Variants in GALNT13 observed in about 807,000 individuals in gnomAD.
The protein encoded by GALNT13 is polypeptide N-acetylgalactosaminyltransferase 13.
Under a neutral mutation model 64.2 loss-of-function variants are expected in GALNT13, and 28 were observed. The ratio of observed to expected loss-of-function variants is 0.44; its 90% CI spans 0.32 to 0.60. GALNT13 has a LOEUF of 0.60. Among genes scored for constraint, GALNT13 ranks in the 20% least tolerant of loss-of-function variants. GALNT13 has a pLI of 0.05. For synonymous variants in GALNT13, 214 were observed against 224.6 expected (o/e 0.95, Z 0.42); for missense variants, 577 against 669.8 (o/e 0.86, Z 1.53).
At chr2:153,524,841 C>T in the GALNT13 span, among the ~76,000 whole-genome samples, 89 of 152,250 alleles carry the variant, frequency 5.8e-4, 1 homozygote, top group East Asian at 0.013. Context: ...AACACCTAGG[C>T]GAGTTCTTGT....
intron 3 of GALNT13, among the ~76,000 whole-genome samples, chr2:154,066,939 G>A (rs1051271596): frequency 1.3e-5 from 2 of 151,978 alleles, no homozygotes; most frequent in Non-Finnish European, 2.9e-5. Context: ...CCAAGACATA[G>A]CCAGTATAAT....
At chr2:154,083,268 T>C (rs1041153696) in intron 3 of GALNT13, among the ~76,000 whole-genome samples, 2 of 152,062 alleles carry the variant, frequency 1.3e-5, no homozygotes, top group Non-Finnish European at 2.9e-5. Flanking sequence ...TCCACTCGTC[T>C]ATATATCTGT....
intron 4 of GALNT13, among the ~76,000 whole-genome samples, chr2:154,143,621 G>A (rs1177853997): frequency 6.6e-6 from 1 of 151,516 alleles, no homozygotes; most frequent in East Asian, 1.9e-4. Context: ...CTTTGGGTGG[G>A]AGGCTGAGGC....
the GALNT13 span, among the ~76,000 whole-genome samples, chr2:153,408,900 C>G: frequency 6.6e-6 from 1 of 152,128 alleles, no homozygotes; most frequent in Non-Finnish European, 1.5e-5. Flanking sequence ...CAACCTTAAT[C>G]TGGGTGGACA....
the GALNT13 span, among the ~76,000 whole-genome samples, chr2:153,389,261 T>C: frequency 1.3e-5 from 2 of 152,128 alleles, no homozygotes; most frequent in African/African-American, 2.4e-5. Flanking sequence ...ATTTGAATTA[T>C]ATATTGGGAG....
At chr2:154,314,096 T>C (rs1282794688) in intron 9 of GALNT13, among the ~76,000 whole-genome samples, 2 of 152,182 alleles carry the variant, frequency 1.3e-5, no homozygotes, top group Non-Finnish European at 2.9e-5. Flanking sequence ...TTGTTTGATG[T>C]AGGAGTACTA....
At chr2:153,345,674 T>TCTTTCTTTCTTTCTTC in the GALNT13 span, among the ~76,000 whole-genome samples, 1 of 144,052 alleles carries the variant, frequency 6.9e-6, no homozygotes, top group African/African-American at 2.6e-5. Flanking sequence ...TTTCTTTCTT[T>TCTTTCTTTCTTTCTTC]CTTTCTTTCT....
chr2:153,461,944 T>C, the GALNT13 span, among the ~76,000 whole-genome samples: 1 of 152,102 alleles, frequency 6.6e-6, no homozygotes, highest in Admixed American at 6.6e-5. Context: ...TTTCTATAAG[T>C]TATGGAAAAA....
chr2:154,108,937 G>T (rs1334495975), intron 3 of GALNT13, among the ~76,000 whole-genome samples: 3 of 151,970 alleles, frequency 2.0e-5, no homozygotes, highest in Non-Finnish European at 4.4e-5. Flanking sequence ...AATTATCATA[G>T]CTCTGTGGTA....
At chr2:154,281,988 G>T (rs933757) in intron 8 of GALNT13, among the ~76,000 whole-genome samples, 28,980 of 152,028 alleles carry the variant, frequency 0.19, 3,630 homozygotes, top group Admixed American at 0.32. Flanking sequence ...TGAATTTGGG[G>T]CTTTCAGGAA....
At chr2:154,225,149 A>T (rs1167797713) in intron 4 of GALNT13, among the ~76,000 whole-genome samples, 1 of 80,980 alleles carries the variant, frequency 1.2e-5, no homozygotes, top group South Asian at 3.9e-4. Context: ...GATAGATGAC[A>T]GATAGATAGA....
chr2:153,720,402 G>A, the GALNT13 span, among the ~76,000 whole-genome samples: 326 of 151,368 alleles, frequency 2.2e-3, 2 homozygotes, highest in African/African-American at 6.9e-3. Flanking sequence ...AACGCAGAGC[G>A]CCTCTCCTCC....
At chr2:153,434,781 C>T in the GALNT13 span, among the ~76,000 whole-genome samples, 2 of 152,034 alleles carry the variant, frequency 1.3e-5, no homozygotes, top group African/African-American at 2.4e-5. Context: ...TTGTAGGTTG[C>T]CTGTTCACTC....
At chr2:153,283,094 T>A in the GALNT13 span, among the ~76,000 whole-genome samples, 1 of 152,188 alleles carries the variant, frequency 6.6e-6, no homozygotes, top group Non-Finnish European at 1.5e-5. Context: ...AATGGGGTGA[T>A]CCATGGAGGG....
chr2:153,957,282 G>T (rs1692627377), intron 3 of GALNT13, among the ~76,000 whole-genome samples: 1 of 152,124 alleles, frequency 6.6e-6, no homozygotes. Context: ...GCAGGGAAAG[G>T]GATCCAATAG....
At chr2:154,426,103 A>G (rs1237670525) in intron 11 of GALNT13, among the ~76,000 whole-genome samples, 2 of 152,166 alleles carry the variant, frequency 1.3e-5, no homozygotes, top group East Asian at 3.9e-4. Flanking sequence ...GGTGTTGGCC[A>G]GAGCTGTGAT....
At chr2:154,192,177 C>T (rs372847311) in intron 4 of GALNT13, among the ~76,000 whole-genome samples, 2 of 152,138 alleles carry the variant, frequency 1.3e-5, no homozygotes, top group African/African-American at 4.8e-5. Context: ...GCTCTCAGGC[C>T]GGTGCGTTTC....
rs1698003359 is a variant in GALNT13 at position 154,026,869 on chromosome 2, A to G, written c.142+82230A>G. ...CTAAGAATTGGAAGTATAGTTGGGTATGCCTCATCATGAGAATGGATAGGT... is the reference window on the plus strand; with the variant it reads ...CTAAGAATTGGAAGTATAGTTGGGTGTGCCTCATCATGAGAATGGATAGGT... On this transcript the variant is annotated intron_variant, in intron 3 of 12. Transcript: ENST00000392825. Among the ~76,000 whole-genome samples, 4 of 152,180 alleles carry G rather than the reference A, an allele frequency of 2.6e-5. No individual in the cohort carries two copies. The South Asian group carries it at 6.2e-4, about 24-fold the overall frequency.
intron 8 of GALNT13, among the ~76,000 whole-genome samples, chr2:154,298,501 C>CATATATAAATTATATATAAATTATATATA (rs1161538633): frequency 1.3e-5 from 1 of 75,060 alleles, no homozygotes; most frequent in Non-Finnish European, 3.0e-5. Context: ...ATTATATATA[C>CATATATAAATTATATATAAATTATATATA]ATATATAAAT....
Sources: gnomAD v4.1 joint callset for allele counts (sites outside exome capture counted in the v4.1 genomes callset) on GRCh38, gnomAD v4.1.1 for gene constraint, MANE v1.5 for transcripts, NCBI Gene and HGNC (gene_info 2026-07-23, HGNC 2026-07-21) for gene names.